Variants in SLC44A3 observed in about 807,000 individuals in gnomAD.
The protein encoded by SLC44A3 is solute carrier family 44 member 3.
A neutral mutation model predicts 75.4 loss-of-function variants in SLC44A3; 74 were observed. That is an observed-to-expected ratio of 0.98 (90% CI 0.81 to 1.19). SLC44A3 has a LOEUF of 1.19. Ranked by LOEUF, SLC44A3 falls within the 50% of genes most tolerant of loss-of-function variation. The pLI, the probability that SLC44A3 is intolerant of heterozygous loss-of-function variation, is 0.00. For missense variants in SLC44A3, 700 were observed against 778.6 expected, an observed-to-expected ratio of 0.90 and a Z score of 1.20; for synonymous variants, 310 against 296.9, an observed-to-expected ratio of 1.04 and a Z score of -0.45.
At chr1:94,865,388 A>G (rs1261168347) in intron 11 of SLC44A3, among the ~76,000 whole-genome samples, 1 of 152,140 alleles carries the variant, frequency 6.6e-6, no homozygotes, top group Non-Finnish European at 1.5e-5. Flanking sequence ...GTGAGGAAGA[A>G]CGAGGGAGAA....
At chr1:94,866,342 G>A (rs1284300835) in intron 11 of SLC44A3, among the ~76,000 whole-genome samples, 1 of 152,094 alleles carries the variant, frequency 6.6e-6, no homozygotes, top group Non-Finnish European at 1.5e-5. Flanking sequence ...GAAGGCCCAA[G>A]GTCTCTCTGA....
intron 9 of SLC44A3, among the ~76,000 whole-genome samples, chr1:94,854,816 G>A (rs1665666287): frequency 1.3e-5 from 2 of 151,744 alleles, no homozygotes; most frequent in South Asian, 4.2e-4. Flanking sequence ...GGGAGGGAGA[G>A]CTTCCTGGCA....
At chr1:94,861,722 C>G (rs1437476497) in intron 10 of SLC44A3, among the ~76,000 whole-genome samples, 4 of 152,174 alleles carry the variant, frequency 2.6e-5, no homozygotes, top group African/African-American at 9.6e-5. Flanking sequence ...GTGCATTCAT[C>G]TTTGTCATTC....
intron 5 of SLC44A3, 27 bp downstream of exon 5, chr1:94,828,613 A>G: frequency 6.2e-7 from 1 of 1,601,470 alleles, no homozygotes; most frequent in Non-Finnish European, 8.5e-7. Flanking sequence ...TTTTTCCTTA[A>G]CTCTAAACAA....
rs201881021 is a variant in SLC44A3 at position 94,892,101 on chromosome 1, T to TA, written c.1621-180_1621-179insA. On this transcript the variant is annotated intron_variant, in intron 13 of 14. Transcript: ENST00000271227. ...ACTCGCCATTAACTGGGTTTCCTTT[T>TA]GATACAGCTTTTCATTTTTTCCTCT... Among the ~76,000 whole-genome samples the TA allele has an allele frequency of 9.1e-3, 1,394 of 152,366 alleles. 15 individuals carry two copies. The highest frequency in any genetic ancestry group is 0.019 in the South Asian group (92 of 4,826).
chr1:94,841,954 A>G, intron 7 of SLC44A3, 46 bp from the exon 8 acceptor site: 4 of 1,557,894 alleles, frequency 2.6e-6, no homozygotes, highest in Non-Finnish European at 3.5e-6. Flanking sequence ...GGGAAAGGTT[A>G]CCTCATGGCG....
At chr1:94,885,257 A>C (rs1669453090) in intron 12 of SLC44A3, among the ~76,000 whole-genome samples, 1 of 147,446 alleles carries the variant, frequency 6.8e-6, no homozygotes, top group Non-Finnish European at 1.5e-5. Flanking sequence ...GCAGCAGGGA[A>C]TAATACCACC....
chr1:94,836,341 G>A (rs1463130747), intron 5 of SLC44A3, among the ~76,000 whole-genome samples: 2 of 152,054 alleles, frequency 1.3e-5, no homozygotes, highest in Non-Finnish European at 2.9e-5. Context: ...TTACATTTCA[G>A]GAAGAAGCTA....
At chr1:94,836,371 A>G (rs1662781643) in intron 5 of SLC44A3, among the ~76,000 whole-genome samples, 1 of 152,210 alleles carries the variant, frequency 6.6e-6, no homozygotes, top group Non-Finnish European at 1.5e-5. Context: ...CAACTTTCTC[A>G]TCTACCCAAG....
At chr1:94,887,013 C>T (rs568119540) in intron 12 of SLC44A3, among the ~76,000 whole-genome samples, 1 of 151,950 alleles carries the variant, frequency 6.6e-6, no homozygotes, top group Non-Finnish European at 1.5e-5. Context: ...ATGCCACTAC[C>T]TCCTGCTTGC....
At chr1:94,870,388 G>A (rs1364462409) in intron 12 of SLC44A3, among the ~76,000 whole-genome samples, 2 of 152,184 alleles carry the variant, frequency 1.3e-5, no homozygotes, top group Non-Finnish European at 2.9e-5. Flanking sequence ...GCCAGTAAGT[G>A]GTATATGCAT....
intron 9 of SLC44A3, among the ~76,000 whole-genome samples, chr1:94,849,135 T>A (rs1000039889): frequency 6.6e-6 from 1 of 151,822 alleles, no homozygotes. Flanking sequence ...GACCTGGAGG[T>A]TATTCTTCAG....
At chr1:94,836,913 C>CAAAAAAAAAAAAAA (rs56149444) in intron 5 of SLC44A3, 1 of 124,308 alleles carries the variant, frequency 8.0e-6, no homozygotes, top group African/African-American at 3.1e-5. Flanking sequence ...CCTGTCTCAA[C>CAAAAAAAAAAAAAA]AAAAAAAAAA....
chr1:94,876,089 G>A (rs1488140924), intron 12 of SLC44A3, among the ~76,000 whole-genome samples: 3 of 152,234 alleles, frequency 2.0e-5, no homozygotes, highest in East Asian at 1.9e-4. Flanking sequence ...ATTGTGTGCA[G>A]TGGACACCAC....
intron 1 of SLC44A3, chr1:94,820,725 T>G: frequency 7.2e-7 from 1 of 1,394,112 alleles, no homozygotes; most frequent in Non-Finnish European, 9.3e-7. Flanking sequence ...CACCTCCAGG[T>G]AAGCACTTGG....
intron 12 of SLC44A3, among the ~76,000 whole-genome samples, chr1:94,890,678 T>A (rs531353214): frequency 6.6e-6 from 1 of 152,272 alleles, no homozygotes; most frequent in Admixed American, 6.5e-5. Context: ...TCAAACTCTA[T>A]TGTGCATTAA....
chr1:94,856,636 A>G (rs985321028), intron 9 of SLC44A3, among the ~76,000 whole-genome samples: 3 of 152,176 alleles, frequency 2.0e-5, no homozygotes, highest in African/African-American at 7.2e-5. Flanking sequence ...TGGTAGGAAA[A>G]CTACGGATTT....
In SLC44A3 at chr1:94,867,394, A is replaced by G. The variant is rs1291729810; in HGVS notation, c.1459A>G (p.Lys487Glu). The change falls in exon 12 of 15, where the codon AAA (lysine) becomes GAA (glutamate). Residue 487 changes from lysine (K) to glutamate (E), a missense_variant. Transcript: ENST00000271227. Reference sequence around the variant, plus strand: ...CTACTGCTGTTTCTGGTGTCTTGACAAATACCTGCTCCATCTCAACCAGGT... The same window carrying G: ...CTACTGCTGTTTCTGGTGTCTTGACGAATACCTGCTCCATCTCAACCAGGT... ...CCYCCFWCLDKYLLHLNQNAY... is the reference protein window; with the variant it reads ...CCYCCFWCLDEYLLHLNQNAY... 3 of 1,606,496 alleles carry G rather than the reference A, an allele frequency of 1.9e-6. No homozygotes were observed. The highest frequency in any genetic ancestry group is 2.6e-6 in the Non-Finnish European group (3 of 1,175,564).
chr1:94,831,558 G>A (rs1571184769), intron 5 of SLC44A3, among the ~76,000 whole-genome samples: 1 of 152,160 alleles, frequency 6.6e-6, no homozygotes, highest in Non-Finnish European at 1.5e-5. Flanking sequence ...GCTTTTAAGA[G>A]CAGTGAAAAA....
Sources: gnomAD v4.1 joint callset for allele counts (sites outside exome capture counted in the v4.1 genomes callset) on GRCh38, gnomAD v4.1.1 for gene constraint, MANE v1.5 for transcripts, NCBI Gene and HGNC (gene_info 2026-07-23, HGNC 2026-07-21) for gene names.